ATP2C2: variants seen among roughly 807,000 people sequenced by gnomAD.
ATP2C2 encodes the protein calcium-transporting ATPase type 2C member 2.
ATP2C2 carries 171 observed loss-of-function variants against 110.8 expected under a neutral mutation model. That is an observed-to-expected ratio of 1.54 (90% CI 1.36 to 1.75). The LOEUF (loss-of-function observed/expected upper bound fraction) is 1.75, where lower values mean the gene tolerates loss of function less well. Among genes scored for constraint, ATP2C2 ranks in the 40% most tolerant of loss-of-function variants. The pLI, the probability that ATP2C2 is intolerant of heterozygous loss-of-function variation, is 0.00. For synonymous variants in ATP2C2, 804 were observed against 508.4 expected, an observed-to-expected ratio of 1.58 and a Z score of -7.82; for missense variants, 1,963 against 1,235.0, an observed-to-expected ratio of 1.59 and a Z score of -8.84.
At chr16:84,439,827 A>G (rs113504535) in intron 13 of ATP2C2, among the ~76,000 whole-genome samples, 4 of 152,214 alleles carry the variant, frequency 2.6e-5, no homozygotes, top group African/African-American at 9.6e-5. Context: ...TGATTAGTCC[A>G]TTTGTGGTTT....
intron 2 of ATP2C2, among the ~76,000 whole-genome samples, chr16:84,401,655 T>C (rs749154323): frequency 2.0e-5 from 3 of 152,210 alleles, no homozygotes; most frequent in African/African-American, 4.8e-5. Flanking sequence ...TATGGATTTA[T>C]ATCTGGGTTC....
In ATP2C2 at chr16:84,374,002, A is replaced by G. The variant is rs191198982; in HGVS notation, c.99+5288A>G. On this transcript the variant is annotated intron_variant, in intron 1 of 26. Coordinates refer to ENST00000262429, the MANE Select transcript of ATP2C2 (RefSeq NM_014861.4). ...GCCAGCAAGCAGCCTACGAATGCCA[A>G]TTTTAAGGCTGTCATCTGATAACCG... 1.9e-4 allele frequency among the ~76,000 whole-genome samples: 29 copies of G among 152,336 alleles called. 1 individual carries two copies. In the East Asian group the frequency reaches 4.2e-3, roughly 22 times the overall value.
intron 10 of ATP2C2, among the ~76,000 whole-genome samples, chr16:84,423,964 G>C (rs114167947): frequency 2.2e-5 from 1 of 46,340 alleles, no homozygotes; most frequent in African/African-American, 9.8e-5. Flanking sequence ...AGTCCCTTCT[G>C]GGGCTTCTTC....
intron 11 of ATP2C2, among the ~76,000 whole-genome samples, chr16:84,428,224 C>G (rs891265): frequency 0.32 from 47,958 of 151,896 alleles, 7,733 homozygotes; most frequent in Non-Finnish European, 0.35. Flanking sequence ...TACATGGTAT[C>G]AGGTACCTAG....
chr16:84,450,451 G>A (rs1381153335), intron 17 of ATP2C2, among the ~76,000 whole-genome samples: 2 of 152,170 alleles, frequency 1.3e-5, no homozygotes, highest in African/African-American at 4.8e-5. Context: ...CCCACGGAGA[G>A]GGAAGGAGAG....
At chr16:84,432,282 T>A (rs1908347765) in intron 11 of ATP2C2, among the ~76,000 whole-genome samples, 1 of 152,150 alleles carries the variant, frequency 6.6e-6, no homozygotes, top group African/African-American at 2.4e-5. Context: ...TATTTTTAAA[T>A]TTTTCTTTAA....
intron 17 of ATP2C2, among the ~76,000 whole-genome samples, chr16:84,449,121 C>T (rs892241147): frequency 6.6e-6 from 1 of 152,226 alleles, no homozygotes; most frequent in South Asian, 2.1e-4. Flanking sequence ...AACATTAAAT[C>T]TCACATTTCC....
At chr16:84,392,272 A>G (rs1418977813) in intron 1 of ATP2C2, among the ~76,000 whole-genome samples, 1 of 152,164 alleles carries the variant, frequency 6.6e-6, no homozygotes, top group African/African-American at 2.4e-5. Context: ...ACTCTTTAAA[A>G]TATCACAATT....
intron 1 of ATP2C2, among the ~76,000 whole-genome samples, chr16:84,380,312 G>A (rs1260627163): frequency 6.6e-6 from 1 of 152,108 alleles, no homozygotes; most frequent in Non-Finnish European, 1.5e-5. Flanking sequence ...AGTAGTTGCT[G>A]TTTATCTACT....
At chr16:84,432,435 C>T (rs932209595) in intron 11 of ATP2C2, among the ~76,000 whole-genome samples, 7 of 151,952 alleles carry the variant, frequency 4.6e-5, no homozygotes, top group African/African-American at 1.2e-4. Flanking sequence ...TCCCCCGAAC[C>T]CCCCGACAGG....
rs1478365619 is a variant in ATP2C2, at chr16:84,394,009, A to AC, written c.100-4490_100-4489insC. ...TGTCTCAATTAAAAATACCAAAAAAAATAAAAAAATAAAAAATAAAAAGGC... is the reference window on the plus strand; with the variant it reads ...TGTCTCAATTAAAAATACCAAAAAAACATAAAAAAATAAAAAATAAAAAGGC... On this transcript the variant is annotated intron_variant, in intron 1 of 26. Coordinates refer to ENST00000262429, the MANE Select transcript of ATP2C2 (RefSeq NM_014861.4). Among the ~76,000 whole-genome samples, 11 of 137,882 alleles carry AC rather than the reference A, an allele frequency of 8.0e-5. 1 individual carries two copies. In the East Asian group the frequency reaches 1.2e-3, roughly 15 times the overall value. The allele number at this position is 137,882 out of a possible 152,430, so 90.5% of individuals were successfully genotyped here.
chr16:84,461,526 T>A, intron 24 of ATP2C2, 188 bp from the exon 25 acceptor site: 1 of 644,188 alleles, frequency 1.6e-6, no homozygotes, highest in Non-Finnish European at 2.8e-6. Flanking sequence ...CAAATCAGCA[T>A]GTGCTGGGGA....
chr16:84,449,325 C>G (rs899104822), intron 17 of ATP2C2, among the ~76,000 whole-genome samples: 6 of 152,228 alleles, frequency 3.9e-5, no homozygotes, highest in African/African-American at 1.4e-4. Flanking sequence ...GGGCGAGACC[C>G]TTGCGGCTTT....
In ATP2C2 at chr16:84,379,647, C is replaced by G. The variant is rs1159781427; in HGVS notation, c.99+10933C>G. On this transcript the variant is annotated intron_variant, in intron 1 of 26. Transcript: ENST00000262429. ...CAAGCCTCGCCGGGGGGTTCTGAGG[C>G]TCCCTGGAGTTTGAGTACTGCTGCT... 6.6e-5 allele frequency among the ~76,000 whole-genome samples: 10 copies of G among 152,188 alleles called. No individual in the cohort carries two copies. In the East Asian group the frequency reaches 1.9e-3, roughly 29 times the overall value.
intron 10 of ATP2C2, among the ~76,000 whole-genome samples, chr16:84,424,891 G>A (rs1178284558): frequency 6.6e-6 from 1 of 152,176 alleles, no homozygotes; most frequent in Admixed American, 6.5e-5. Flanking sequence ...CAAGGGTGGA[G>A]TGAGTACCTA....
chr16:84,382,213 C>T (rs1033925797), intron 1 of ATP2C2, among the ~76,000 whole-genome samples: 15 of 152,260 alleles, frequency 9.9e-5, no homozygotes, highest in Non-Finnish European at 1.3e-4. Flanking sequence ...TCAACTCCCA[C>T]TTATGAGTGA....
intron 11 of ATP2C2, among the ~76,000 whole-genome samples, chr16:84,426,862 A>T (rs780543384): frequency 6.6e-6 from 1 of 152,168 alleles, no homozygotes; most frequent in African/African-American, 2.4e-5. Flanking sequence ...CCCTTCTTCT[A>T]CGTAGTGATT....
In ATP2C2 at chr16:84,440,848, GC is replaced by G; in HGVS notation, c.1210-6del. ...TTGGCGAAACCCTTTCTTCTGCCTC[GC>G]CCTGCAGGTCAGCGGAGTTGGGTAT... On this transcript the variant is annotated splice_polypyrimidine_tract_variant and splice_region_variant and intron_variant, in intron 13 of 26. Transcript: ENST00000262429. 3 of 1,608,220 alleles carry G rather than the reference GC, an allele frequency of 1.9e-6. No individual in the cohort carries two copies. The highest frequency in any genetic ancestry group is 2.5e-6 in the Non-Finnish European group (3 of 1,176,498).
chr16:84,433,689 C>G (rs1908487091), intron 11 of ATP2C2, among the ~76,000 whole-genome samples: 1 of 105,172 alleles, frequency 9.5e-6, no homozygotes, highest in South Asian at 3.4e-4. Context: ...ACAAAACACA[C>G]ACACACACAC....
Sources: gnomAD v4.1 joint callset for allele counts (sites outside exome capture counted in the v4.1 genomes callset) on GRCh38, gnomAD v4.1.1 for gene constraint, MANE v1.5 for transcripts, NCBI Gene and HGNC (gene_info 2026-07-23, HGNC 2026-07-21) for gene names.